The following USP43 variants were observed in gnomAD, a reference collection of about 807,000 sequenced individuals.
USP43 encodes ubiquitin carboxyl-terminal hydrolase 43.
In USP43, 33 loss-of-function variants were observed where a neutral mutation model predicts 90.7. That is an observed-to-expected ratio of 0.36 (90% CI 0.28 to 0.49). The LOEUF (loss-of-function observed/expected upper bound fraction) is 0.49. USP43 is among the 20% of genes least tolerant of loss of function. USP43 has a pLI of 0.98. For synonymous variants in USP43, 598 were observed against 615.8 expected (o/e 0.97, Z 0.43); for missense variants, 1,274 against 1,476.4 (o/e 0.86, Z 2.25).
chr17:9,702,769 C>T lies in USP43; in HGVS notation c.2011+1069C>T, dbSNP rs772342664. On this transcript the variant is annotated intron_variant, in intron 12 of 14. Transcript: ENST00000285199. ...CCGTGCAGATAGTGTGGAGGGTCAT[C>T]GGGGTGAGCCTTAGGAGTCCAGGGG... Among the ~76,000 whole-genome samples the T allele has an allele frequency of 6.6e-5, 10 of 152,132 alleles. No individual in the cohort carries two copies. In the East Asian group the frequency reaches 7.7e-4, roughly 12 times the overall value.
chr17:9,691,610 T>TA (rs1225624157), intron 8 of USP43, among the ~76,000 whole-genome samples: 1 of 152,176 alleles, frequency 6.6e-6, no homozygotes, highest in Non-Finnish European at 1.5e-5. Context: ...AATTAAAGGT[T>TA]ATATGGTAGT....
intron 1 of USP43, among the ~76,000 whole-genome samples, chr17:9,655,828 T>C (rs1912201622): frequency 6.6e-6 from 1 of 152,206 alleles, no homozygotes; most frequent in Non-Finnish European, 1.5e-5. Flanking sequence ...TATCCTTAAA[T>C]TTCATACATA....
intron 9 of USP43, among the ~76,000 whole-genome samples, chr17:9,698,060 C>T (rs932840323): frequency 1.3e-5 from 2 of 152,160 alleles, no homozygotes; most frequent in African/African-American, 4.8e-5. Context: ...TTCACTGTGG[C>T]TTTAATTTGC....
intron 9 of USP43, among the ~76,000 whole-genome samples, chr17:9,695,627 A>C (rs1297786714): frequency 6.6e-6 from 1 of 152,092 alleles, no homozygotes; most frequent in Non-Finnish European, 1.5e-5. Context: ...GCCACCACTT[A>C]GGGCCAAAAT....
chr17:9,710,177 G>A, intron 13 of USP43, 63 bp downstream of exon 13: 1 of 1,360,726 alleles, frequency 7.3e-7, no homozygotes, highest in Non-Finnish European at 9.5e-7. Context: ...ACTGGGAAGA[G>A]GCTCAGTTGA....
At chr17:9,658,036 A>G (rs1046977161) in intron 2 of USP43, among the ~76,000 whole-genome samples, 1 of 152,236 alleles carries the variant, frequency 6.6e-6, no homozygotes, top group Non-Finnish European at 1.5e-5. Flanking sequence ...TAATTAATCA[A>G]TAACACATAC....
At position 9,677,564 on chromosome 17, in the gene USP43, G is replaced by A. The variant is rs574409546; in HGVS notation, c.969+683G>A. Among the ~76,000 whole-genome samples, 4 of 152,292 alleles carry A rather than the reference G, an allele frequency of 2.6e-5. No homozygotes were observed. In the South Asian group the frequency reaches 8.3e-4, roughly 32 times the overall value. ...AGCGATTGGATTCACAGTGCCTGGA[G>A]GGGCCCTCATGAGGAATAGGGAGGA... On this transcript the variant is annotated intron_variant, in intron 5 of 14. Transcript: ENST00000285199.
At chr17:9,645,391 C>CG (rs1911286713), upstream of USP43, 1 of 269,992 alleles carries the variant, frequency 3.7e-6, no homozygotes, top group Non-Finnish European at 6.8e-6. The surrounding 1 kb of genome is among the most constrained non-coding windows in gnomAD (Gnocchi z 6.8). Flanking sequence ...GTCAGCGCAG[C>CG]GGGGGCGGCA....
chr17:9,694,932 C>A (rs1337209057), intron 9 of USP43, among the ~76,000 whole-genome samples: 5 of 152,066 alleles, frequency 3.3e-5, no homozygotes, highest in Non-Finnish European at 7.4e-5. Flanking sequence ...CCTATTATTT[C>A]TTTTTATAAA....
In USP43 at chr17:9,699,839, T is replaced by A. The variant is rs185001276; in HGVS notation, c.1458-333T>A. On this transcript the variant is annotated intron_variant, in intron 9 of 14. Coordinates refer to ENST00000285199, the MANE Select transcript of USP43 (RefSeq NM_153210.5). ...ATCAGTATTGGGTATTTGTGTAGGA[T>A]GGTCAAGTGGAAGTGCCCTATAGAC... Among the ~76,000 whole-genome samples, 108 of 152,290 alleles carry A rather than the reference T, an allele frequency of 7.1e-4. 2 individuals carry two copies. Among genetic ancestry groups the A allele is most frequent in the Admixed American group, 6.9e-3 (106 of 15,296 alleles).
intron 13 of USP43, 31 bp downstream of exon 13, chr17:9,710,145 G>T (rs768703695): frequency 4.0e-5 from 56 of 1,403,980 alleles, no homozygotes; most frequent in South Asian, 2.0e-4. Context: ...CAGGAGGGGG[G>T]TGTGGGGAAG....
intron 3 of USP43, among the ~76,000 whole-genome samples, chr17:9,669,239 A>G (rs554867569): frequency 1.1e-3 from 174 of 152,280 alleles, no homozygotes; most frequent in African/African-American, 4.0e-3. Flanking sequence ...AAAGAAGAAC[A>G]TTTAGAACAA....
At chr17:9,648,869 TTTCC>T (rs1025256714) in intron 1 of USP43, among the ~76,000 whole-genome samples, 9 of 151,380 alleles carry the variant, frequency 5.9e-5, no homozygotes, top group South Asian at 4.2e-4. Context: ...CTCTCTCTCT[TTTCC>T]TTCCTTCCTT....
rs963786192 is a variant in USP43 at position 9,645,538 on chromosome 17, G to C, written c.-95G>C. On this transcript the variant is annotated 5_prime_UTR_variant, in exon 1 of 15. Coordinates refer to ENST00000285199, the MANE Select transcript of USP43 (RefSeq NM_153210.5). The surrounding 1 kb of genome is among the most constrained non-coding windows in gnomAD (Gnocchi z 6.8). ...CCGCACACCTGGCCCGCAGGTAGCCGGCACCAGGAGCCTTAGAGAAGCTGT... is the reference window on the plus strand; with the variant it reads ...CCGCACACCTGGCCCGCAGGTAGCCCGCACCAGGAGCCTTAGAGAAGCTGT... The C allele has an allele frequency of 3.4e-5, 38 of 1,102,790 alleles. No homozygotes were observed. In the South Asian group the frequency reaches 4.1e-4, roughly 12 times the overall value. The allele number at this position is 1,102,790 out of a possible 1,614,324, so 68.3% of individuals were successfully genotyped here.
intron 6 of USP43, 22 bp downstream of exon 6, chr17:9,680,388 AT>A: frequency 1.9e-6 from 3 of 1,612,616 alleles, no homozygotes; most frequent in South Asian, 1.1e-5. Flanking sequence ...GCTTTGCACA[AT>A]TTTATTTGGC....
Position 9,680,287 on chromosome 17 carries a change from G to C in USP43, c.1026G>C (p.Glu342Asp), listed in dbSNP as rs772909872. ...SGFQRSFFDE[E>D]DLNTIAEGDN... Reference sequence around the variant, plus strand: ...TCCAGCGGTCTTTCTTTGATGAAGAGGACCTGAATACCATCGCAGAGGGAG... The same window carrying C: ...TCCAGCGGTCTTTCTTTGATGAAGACGACCTGAATACCATCGCAGAGGGAG... The change falls in exon 6 of 15, where the codon GAG becomes GAC. Residue 342 changes from glutamate (E) to aspartate (D), a missense_variant. Physicochemically the swap from Glu to Asp is conservative, Grantham distance 45. Around this residue, in one of 6 missense-constraint regions of USP43, gnomAD observed 259 missense variants for 373.7 expected, o/e 0.69. Coordinates refer to ENST00000285199, the MANE Select transcript of USP43 (RefSeq NM_153210.5). 9 of 1,613,766 alleles carry C rather than the reference G, an allele frequency of 5.6e-6. No homozygotes were observed. The highest frequency in any genetic ancestry group is 1.3e-5 in the African/African-American group (1 of 74,910).
At chr17:9,670,019 A>G (rs918085837) in intron 3 of USP43, among the ~76,000 whole-genome samples, 2 of 147,920 alleles carry the variant, frequency 1.4e-5, no homozygotes, top group African/African-American at 5.0e-5. Flanking sequence ...GATCTAGTTC[A>G]TTAGTTTCAG....
intron 12 of USP43, among the ~76,000 whole-genome samples, chr17:9,704,361 G>A (rs568560326): frequency 1.2e-4 from 19 of 152,148 alleles, no homozygotes; most frequent in Non-Finnish European, 2.2e-4. Context: ...AGAGTGCAGT[G>A]ATGTGATCTC....
chr17:9,679,809 C>G (rs144375362), intron 5 of USP43, among the ~76,000 whole-genome samples: 52 of 152,188 alleles, frequency 3.4e-4, no homozygotes, highest in African/African-American at 1.2e-3. Context: ...AGTAGTCACC[C>G]CTCTACTCTG....
Sources: gnomAD v4.1 joint callset for allele counts (sites outside exome capture counted in the v4.1 genomes callset) on GRCh38, gnomAD v4.1.1 for gene constraint, gnomAD v4.1.1 regional missense constraint, Gnocchi (gnomAD v3.1) non-coding constraint, MANE v1.5 for transcripts, NCBI Gene and HGNC (gene_info 2026-07-23, HGNC 2026-07-21) for gene names.